Variants in GON4L observed in about 807,000 individuals in gnomAD.
GON4L encodes gon-4 like.
GON4L carries 87 observed loss-of-function variants against 211.8 expected under a neutral mutation model. That is an observed-to-expected ratio of 0.41 (90% CI 0.35 to 0.49). The LOEUF is 0.49. Among genes scored for constraint, GON4L ranks in the 20% least tolerant of loss-of-function variants. The probability of loss-of-function intolerance (pLI) is 0.15; values close to 1 mark genes in which losing one functional copy is unlikely to be tolerated. For synonymous variants in GON4L, 875 were observed against 962.6 expected, an observed-to-expected ratio of 0.91 and a Z score of 1.68; for missense variants, 2,155 against 2,659.5, an observed-to-expected ratio of 0.81 and a Z score of 4.17.
chr1:155,840,458 G>C (rs1240837133), intron 2 of GON4L, among the ~76,000 whole-genome samples: 1 of 152,132 alleles, frequency 6.6e-6, no homozygotes, highest in Non-Finnish European at 1.5e-5. Flanking sequence ...TGTCTGGCTT[G>C]TTGCTGGGCT....
chr1:155,806,148 C>T (rs1247273187), intron 10 of GON4L, among the ~76,000 whole-genome samples: 3 of 150,992 alleles, frequency 2.0e-5, no homozygotes, highest in Non-Finnish European at 4.4e-5. Flanking sequence ...CTACCATGCT[C>T]GGCTAATTTT....
At chr1:155,820,240 C>T (rs1668615114) in intron 6 of GON4L, among the ~76,000 whole-genome samples, 1 of 152,104 alleles carries the variant, frequency 6.6e-6, no homozygotes, top group Admixed American at 6.6e-5. Context: ...AATAAGCATG[C>T]CTGAGGGATC....
At chr1:155,848,564 T>G (rs957202618) in intron 2 of GON4L, among the ~76,000 whole-genome samples, 2 of 152,196 alleles carry the variant, frequency 1.3e-5, no homozygotes, top group African/African-American at 4.8e-5. Context: ...CAGAATATGT[T>G]ATTCTACTTC....
chr1:155,830,260 GT>G (rs1308699863), intron 2 of GON4L, among the ~76,000 whole-genome samples: 6 of 150,006 alleles, frequency 4.0e-5, no homozygotes, highest in Non-Finnish European at 8.9e-5. Context: ...TGCAGGGACA[GT>G]TTTAAAAAGC....
At chr1:155,831,498 T>TAAATAAATAAAA (rs1553216822) in intron 2 of GON4L, 14 of 120,274 alleles carry the variant, frequency 1.2e-4, no homozygotes, top group Non-Finnish European at 1.7e-4. Flanking sequence ...AATAAATAAA[T>TAAATAAATAAAA]AAAAAGTTAT....
At chr1:155,768,304 C>T (rs1277977931) in intron 19 of GON4L, among the ~76,000 whole-genome samples, 19 of 57,156 alleles carry the variant, frequency 3.3e-4, no homozygotes, top group South Asian at 9.7e-4. Context: ...AGTGAGACTC[C>T]GTCTCAAAAA....
intron 10 of GON4L, among the ~76,000 whole-genome samples, chr1:155,810,342 T>C (rs1207977461): frequency 6.6e-6 from 1 of 152,090 alleles, no homozygotes; most frequent in Non-Finnish European, 1.5e-5. Flanking sequence ...TATTATATCA[T>C]ACTTTAAAAT....
intron 11 of GON4L, among the ~76,000 whole-genome samples, chr1:155,800,283 C>T (rs1194031374): frequency 6.6e-6 from 1 of 151,084 alleles, no homozygotes; most frequent in Non-Finnish European, 1.5e-5. Flanking sequence ...TTAGGCCGGG[C>T]GTGGTGGCTC....
intron 19 of GON4L, among the ~76,000 whole-genome samples, chr1:155,768,643 C>G (rs534904560): frequency 2.9e-4 from 44 of 151,410 alleles, no homozygotes; most frequent in African/African-American, 9.7e-4. Context: ...ACAGGTCTCA[C>G]TTTTTTGCCC....
chr1:155,839,570 G>A (rs1302505111), intron 2 of GON4L, among the ~76,000 whole-genome samples: 1 of 151,288 alleles, frequency 6.6e-6, no homozygotes, highest in African/African-American at 2.4e-5. Flanking sequence ...AGAATTGCTT[G>A]AACCCGGGAG....
downstream of GON4L, chr1:155,747,830 A>G (rs1394493911): frequency 3.1e-6 from 5 of 1,599,672 alleles, no homozygotes; most frequent in South Asian, 4.5e-5. Flanking sequence ...CAGAGCTGCT[A>G]CAAGATGAAT....
intron 11 of GON4L, among the ~76,000 whole-genome samples, chr1:155,801,112 C>CAAAAAAAAAAAA (rs367752032): frequency 5.4e-5 from 4 of 73,636 alleles, no homozygotes; most frequent in Admixed American, 1.6e-4. Flanking sequence ...TGCTGCTGCT[C>CAAAAAAAAAAAA]AAAAAAAAAA....
intron 18 of GON4L, among the ~76,000 whole-genome samples, chr1:155,772,242 TATC>T (rs1337032417): frequency 6.6e-6 from 1 of 152,014 alleles, no homozygotes; most frequent in Non-Finnish European, 1.5e-5. Context: ...TGATGAGCTG[TATC>T]ATGACGAGCT....
chr1:155,763,076 C>T (rs1318207856), intron 22 of GON4L, among the ~76,000 whole-genome samples: 1 of 151,916 alleles, frequency 6.6e-6, no homozygotes, highest in Non-Finnish European at 1.5e-5. Context: ...AGAAAGTGAA[C>T]GAAGCTAATA....
At chr1:155,854,993 C>G (rs1765281) in intron 1 of GON4L, among the ~76,000 whole-genome samples, 145,556 of 151,346 alleles carry the variant, frequency 0.96, 70,266 homozygotes, top group East Asian at 1. Context: ...GAGATCACTC[C>G]CCATTGCACT....
At chr1:155,823,095 A>G (rs991668729) in intron 3 of GON4L, among the ~76,000 whole-genome samples, 1 of 151,154 alleles carries the variant, frequency 6.6e-6, no homozygotes, top group African/African-American at 2.4e-5. Context: ...ACGCCCGGCT[A>G]ATTTTGTATT....
At chr1:155,831,329 A>G in intron 2 of GON4L, among the ~76,000 whole-genome samples, 1 of 152,074 alleles carries the variant, frequency 6.6e-6, no homozygotes, top group African/African-American at 2.4e-5. Flanking sequence ...TCATGCCTGT[A>G]ATTCCAGCGT....
intron 13 of GON4L, 29 bp downstream of exon 13, chr1:155,785,305 C>A (rs1226823728): frequency 3.5e-6 from 5 of 1,432,212 alleles, no homozygotes; most frequent in Admixed American, 1.7e-5. Flanking sequence ...CTTAAAATCC[C>A]GTGTTCTCAC....
chr1:155,788,084 C>T lies in GON4L; in HGVS notation c.1748-2710G>A, dbSNP rs546452178. On this transcript the variant is annotated intron_variant, in intron 12 of 31. Coordinates refer to ENST00000368331, the MANE Select transcript of GON4L (RefSeq NM_001282860.2). ...TCAGCTCACTGCAACCTCCACCTTC[C>T]GGCTTCAAGCAATTCTCATGCCTCA... Among the ~76,000 whole-genome samples the T allele has an allele frequency of 3.9e-5, 6 of 152,332 alleles. No individual in the cohort carries two copies. In the East Asian group the frequency reaches 5.8e-4, roughly 15 times the overall value.
Sources: allele counts gnomAD v4.1 joint callset (sites outside exome capture counted in the v4.1 genomes callset), GRCh38; gene constraint gnomAD v4.1.1; transcripts MANE v1.5; gene names NCBI Gene and HGNC (gene_info 2026-07-23, HGNC 2026-07-21).